The following CSMD1 variants were observed in gnomAD, a reference collection of about 807,000 sequenced individuals.
The protein encoded by CSMD1 is CUB and Sushi multiple domains 1.
A neutral mutation model predicts 417.5 loss-of-function variants in CSMD1; 213 were observed. That is an observed-to-expected ratio of 0.51 (90% CI 0.46 to 0.57). CSMD1 has a LOEUF of 0.57. Ranked by LOEUF, CSMD1 falls within the 20% of genes least tolerant of loss-of-function variation. CSMD1 has a pLI of 0.00. For missense variants in CSMD1, 6,923 were observed against 4,529.7 expected, an observed-to-expected ratio of 1.53 and a Z score of -15.17; for synonymous variants, 2,862 against 1,736.8, an observed-to-expected ratio of 1.65 and a Z score of -16.11.
At chr8:3,682,394 C>T (rs1799712220) in intron 7 of CSMD1, among the ~76,000 whole-genome samples, 1 of 152,184 alleles carries the variant, frequency 6.6e-6, no homozygotes, top group African/African-American at 2.4e-5. Flanking sequence ...CATGAACAGA[C>T]ACTTCTCAAA....
At chr8:3,372,138 G>A (rs927477389) in intron 18 of CSMD1, among the ~76,000 whole-genome samples, 13 of 152,170 alleles carry the variant, frequency 8.5e-5, no homozygotes, top group African/African-American at 2.7e-4. Context: ...GATAGTGTGA[G>A]GCTTCTGGGT....
chr8:2,996,640 C>G (rs1003487934), intron 54 of CSMD1, among the ~76,000 whole-genome samples: 1 of 152,190 alleles, frequency 6.6e-6, no homozygotes, highest in Non-Finnish European at 1.5e-5. Flanking sequence ...TCCTAAAACA[C>G]CACTGCACAG....
At chr8:3,024,832 A>G (rs556989362) in intron 51 of CSMD1, among the ~76,000 whole-genome samples, 1 of 152,348 alleles carries the variant, frequency 6.6e-6, no homozygotes, top group South Asian at 2.1e-4. Flanking sequence ...AAACATACAT[A>G]GATAATGACA....
At chr8:3,227,564 G>A (rs902801557) in intron 27 of CSMD1, among the ~76,000 whole-genome samples, 1 of 152,094 alleles carries the variant, frequency 6.6e-6, no homozygotes. Context: ...AATAATAAGG[G>A]ACTAGAAAGA....
chr8:4,570,341 T>C (rs1036185731), intron 2 of CSMD1, among the ~76,000 whole-genome samples: 4 of 152,158 alleles, frequency 2.6e-5, no homozygotes, highest in African/African-American at 9.7e-5. Flanking sequence ...ATTTTTAGCA[T>C]GAAGGGATGT....
Position 3,805,688 on chromosome 8 carries a change from G to C in CSMD1, c.819-51646C>G, listed in dbSNP as rs142202522. On this transcript the variant is annotated intron_variant, in intron 5 of 69. Transcript: ENST00000635120. ...TATTTGATTGTACTACTGTACCATT[G>C]TGTTTCATTCTTTCCTATCTTTCTT... Among the ~76,000 whole-genome samples, 825 of 152,262 alleles carry C rather than the reference G, an allele frequency of 5.4e-3. 6 individuals are homozygous for C. Among genetic ancestry groups the C allele is most frequent in the Non-Finnish European group, 6.4e-3 (432 of 68,022 alleles).
chr8:4,874,271 A>G (rs763401065), intron 1 of CSMD1, among the ~76,000 whole-genome samples: 7 of 152,164 alleles, frequency 4.6e-5, no homozygotes, highest in Admixed American at 2.0e-4. Flanking sequence ...TACTGCCTAA[A>G]ATCGCATTCT....
At chr8:4,611,667 G>C (rs1295446843) in intron 2 of CSMD1, among the ~76,000 whole-genome samples, 6 of 152,054 alleles carry the variant, frequency 3.9e-5, no homozygotes, top group Non-Finnish European at 8.8e-5. Context: ...TGTGTCTTGT[G>C]TTCATTTACT....
intron 13 of CSMD1, among the ~76,000 whole-genome samples, chr8:3,409,126 G>C (rs1812525665): frequency 6.6e-6 from 1 of 152,202 alleles, no homozygotes; most frequent in East Asian, 1.9e-4. Context: ...TGATACAGCA[G>C]ATCATCACTG....
At chr8:3,204,378 A>G (rs1435726529) in intron 31 of CSMD1, among the ~76,000 whole-genome samples, 1 of 149,836 alleles carries the variant, frequency 6.7e-6, no homozygotes, top group South Asian at 2.1e-4. Flanking sequence ...TAATCAGGGG[A>G]ATACTGCTGA....
intron 51 of CSMD1, among the ~76,000 whole-genome samples, chr8:3,024,854 G>C (rs1178812949): frequency 6.6e-6 from 1 of 151,492 alleles, no homozygotes; most frequent in Admixed American, 6.6e-5. Context: ...TAGTACTCAT[G>C]AAAATCCATG....
intron 20 of CSMD1, 104 bp downstream of exon 20, chr8:3,366,928 C>T (rs1337090696): frequency 1.6e-5 from 14 of 901,472 alleles, no homozygotes; most frequent in East Asian, 1.3e-4. Flanking sequence ...CAAACACACA[C>T]GGATGCACAC....
intron 5 of CSMD1, among the ~76,000 whole-genome samples, chr8:3,922,661 T>C (rs1168834720): frequency 1.3e-5 from 2 of 152,206 alleles, no homozygotes; most frequent in Admixed American, 6.6e-5. Flanking sequence ...AAATAACTTT[T>C]AATTGTGCTT....
At chr8:3,117,526 A>T (rs1295448838) in intron 42 of CSMD1, among the ~76,000 whole-genome samples, 2 of 152,032 alleles carry the variant, frequency 1.3e-5, no homozygotes, top group African/African-American at 4.8e-5. Context: ...TAATTTCATT[A>T]TTTTTTCATT....
chr8:4,340,519 T>C (rs1231485787), intron 3 of CSMD1, among the ~76,000 whole-genome samples: 1 of 152,084 alleles, frequency 6.6e-6, no homozygotes, highest in Non-Finnish European at 1.5e-5. Flanking sequence ...GGTTAGACTT[T>C]ATTATATGTC....
At chr8:4,984,121 C>G (rs1811049273) in intron 1 of CSMD1, among the ~76,000 whole-genome samples, 1 of 152,182 alleles carries the variant, frequency 6.6e-6, no homozygotes. Context: ...GCCAGTAAAT[C>G]AAAAACTGCT....
At chr8:4,247,108 G>A (rs1008060528) in intron 3 of CSMD1, among the ~76,000 whole-genome samples, 30 of 152,250 alleles carry the variant, frequency 2.0e-4, no homozygotes, top group African/African-American at 6.0e-4. Context: ...TGAAGAAAAC[G>A]CCAATAAAAG....
At chr8:3,542,849 G>A (rs563230999) in intron 10 of CSMD1, among the ~76,000 whole-genome samples, 1 of 152,192 alleles carries the variant, frequency 6.6e-6, no homozygotes, top group Non-Finnish European at 1.5e-5. Context: ...AAAGCCCAGG[G>A]AGAGCTGCTT....
At chr8:3,922,832 G>GTGTA (rs1204955432) in intron 5 of CSMD1, among the ~76,000 whole-genome samples, 3 of 151,876 alleles carry the variant, frequency 2.0e-5, no homozygotes, top group Admixed American at 2.0e-4. Context: ...TATATTCATG[G>GTGTA]TGTACAACAT....
Sources: allele counts gnomAD v4.1 joint callset (sites outside exome capture counted in the v4.1 genomes callset), GRCh38; gene constraint gnomAD v4.1.1; transcripts MANE v1.5; gene names NCBI Gene and HGNC (gene_info 2026-07-23, HGNC 2026-07-21).